Variants in FAM13C observed in about 807,000 individuals in gnomAD.
The protein encoded by FAM13C is protein FAM13C.
Under a neutral mutation model 73.2 loss-of-function variants are expected in FAM13C, and 37 were observed. The observed-to-expected ratio is 0.51, with a 90% CI of 0.39 to 0.67. The LOEUF (loss-of-function observed/expected upper bound fraction) is 0.67, where lower values mean the gene tolerates loss of function less well. Among genes scored for constraint, FAM13C ranks in the 30% least tolerant of loss-of-function variants. The pLI, the probability that FAM13C is intolerant of heterozygous loss-of-function variation, is 0.00. For synonymous variants in FAM13C, 246 were observed against 260.9 expected (o/e 0.94, Z 0.55); for missense variants, 589 against 715.6 (o/e 0.82, Z 2.02).
At chr10:59,362,848 G>T, upstream of FAM13C, 1 of 255,102 alleles carries the variant, frequency 3.9e-6, no homozygotes, top group Non-Finnish European at 7.4e-6. Flanking sequence ...TGTTTCTGCC[G>T]AAGTGCTGAA....
intron 10 of FAM13C, among the ~76,000 whole-genome samples, chr10:59,256,321 G>A (rs1432426770): frequency 2.6e-5 from 4 of 152,068 alleles, no homozygotes; most frequent in Admixed American, 1.3e-4. Flanking sequence ...ACTATTATTG[G>A]TATCTCTCCA....
At chr10:59,358,181 C>A (rs2134307427) in intron 1 of FAM13C, among the ~76,000 whole-genome samples, 1 of 152,248 alleles carries the variant, frequency 6.6e-6, no homozygotes, top group Non-Finnish European at 1.5e-5. Context: ...AGTTCAAGAC[C>A]AGCCTGGCCA....
intron 6 of FAM13C, among the ~76,000 whole-genome samples, chr10:59,281,952 G>A (rs1844969688): frequency 6.6e-6 from 1 of 152,194 alleles, no homozygotes; most frequent in Non-Finnish European, 1.5e-5. Context: ...TGTTTGCAGG[G>A]AGTGGAATCT....
At chr10:59,349,760 C>G (rs1854782702) in intron 3 of FAM13C, among the ~76,000 whole-genome samples, 1 of 152,018 alleles carries the variant, frequency 6.6e-6, no homozygotes, top group Non-Finnish European at 1.5e-5. Flanking sequence ...GAAATTTTGT[C>G]TCAAATAATA....
chr10:59,330,482 T>G (rs1283615213), intron 3 of FAM13C, among the ~76,000 whole-genome samples: 4 of 152,134 alleles, frequency 2.6e-5, no homozygotes, highest in Admixed American at 2.6e-4. Flanking sequence ...GAGTTTTCAC[T>G]AGTATTTGTT....
chr10:59,361,179 G>C, intron 1 of FAM13C: 1 of 1,046,092 alleles, frequency 9.6e-7, no homozygotes, highest in Non-Finnish European at 1.3e-6. Flanking sequence ...GTCCAAATGA[G>C]TATTTTACAT....
chr10:59,341,249 A>G (rs1853470897), intron 3 of FAM13C, among the ~76,000 whole-genome samples: 2 of 152,184 alleles, frequency 1.3e-5, no homozygotes. Flanking sequence ...CTACAGCTGA[A>G]AAGCCTAAAA....
chr10:59,286,271 T>C (rs890627021), intron 5 of FAM13C, among the ~76,000 whole-genome samples: 1 of 151,906 alleles, frequency 6.6e-6, no homozygotes, highest in African/African-American at 2.4e-5. Flanking sequence ...TCCCAGCACT[T>C]TGGGAGGCTG....
intron 3 of FAM13C, among the ~76,000 whole-genome samples, chr10:59,337,419 A>C (rs1316272005): frequency 6.6e-6 from 1 of 152,216 alleles, no homozygotes; most frequent in East Asian, 1.9e-4. Flanking sequence ...GGGCATGTGC[A>C]CTAGAGTTTA....
rs558887429 is a variant in FAM13C at position 59,259,156 on chromosome 10, A to C, written c.1236+3278T>G. On this transcript the variant is annotated intron_variant, in intron 10 of 13. Transcript: ENST00000618804. ...AAGTGATTATCTCCAAAAATCATCC[A>C]TAGATAAAACAGGAAGAAAATTACT... Among the ~76,000 whole-genome samples the C allele has an allele frequency of 3.9e-5, 6 of 152,332 alleles. No individual in the cohort carries two copies. In the East Asian group the frequency reaches 1.2e-3, roughly 29 times the overall value.
At chr10:59,268,877 G>A (rs1843382900) in intron 7 of FAM13C, among the ~76,000 whole-genome samples, 186 bp from the exon 8 acceptor site, 1 of 152,136 alleles carries the variant, frequency 6.6e-6, no homozygotes, top group Admixed American at 6.5e-5. Flanking sequence ...CTCTGTTATG[G>A]GTGGATGTTG....
intron 5 of FAM13C, among the ~76,000 whole-genome samples, chr10:59,298,808 C>G (rs1479291191): frequency 6.6e-6 from 1 of 152,146 alleles, no homozygotes; most frequent in Admixed American, 6.5e-5. Context: ...GCTATGGCTA[C>G]ACTCTGCAAG....
chr10:59,294,655 A>G (rs1019629876), intron 5 of FAM13C, among the ~76,000 whole-genome samples: 10 of 152,242 alleles, frequency 6.6e-5, no homozygotes, highest in Admixed American at 2.0e-4. Context: ...CCTGGAAGCC[A>G]TTCAGAACTT....
At chr10:59,282,558 C>T (rs1423138168) in intron 6 of FAM13C, 1 of 152,084 alleles carries the variant, frequency 6.6e-6, no homozygotes, top group Non-Finnish European at 1.5e-5. Context: ...CCTTCAACTC[C>T]TAGAGATTAA....
intron 5 of FAM13C, among the ~76,000 whole-genome samples, chr10:59,299,833 G>A (rs1265202280): frequency 6.6e-6 from 1 of 151,850 alleles, no homozygotes; most frequent in Non-Finnish European, 1.5e-5. Context: ...ATACAGCTCA[G>A]GTGAATGTCA....
chr10:59,322,647 C>T (rs1850476047), intron 4 of FAM13C, among the ~76,000 whole-genome samples: 1 of 152,218 alleles, frequency 6.6e-6, no homozygotes, highest in African/African-American at 2.4e-5. Context: ...ATTCCATACA[C>T]AAGCATGAAT....
chr10:59,274,017 T>C (rs2133595482), intron 6 of FAM13C, among the ~76,000 whole-genome samples: 1 of 152,260 alleles, frequency 6.6e-6, no homozygotes. Flanking sequence ...ATAAATAGCA[T>C]TCAGGGACAT....
chr10:59,300,954 T>TA (rs907252415), intron 5 of FAM13C: 1 of 152,182 alleles, frequency 6.6e-6, no homozygotes, highest in Non-Finnish European at 1.5e-5. Flanking sequence ...CTATCCCCAT[T>TA]AAAAATATAG....
At chr10:59,354,597 T>C (rs531056983) in intron 2 of FAM13C, among the ~76,000 whole-genome samples, 1 of 152,314 alleles carries the variant, frequency 6.6e-6, no homozygotes, top group South Asian at 2.1e-4. Flanking sequence ...ACAGTCTCTC[T>C]GAAATGCCTA....
Sources: allele counts gnomAD v4.1 joint callset (sites outside exome capture counted in the v4.1 genomes callset), GRCh38; gene constraint gnomAD v4.1.1; transcripts MANE v1.5; gene names NCBI Gene and HGNC (gene_info 2026-07-23, HGNC 2026-07-21).